The following SH3BGRL variants were observed in gnomAD, a reference collection of about 807,000 sequenced individuals.
SH3BGRL encodes the protein SH3 domain binding glutamate rich protein like.
A neutral mutation model predicts 9.8 loss-of-function variants in SH3BGRL; 7 were observed. That is an observed-to-expected ratio of 0.72 (90% CI 0.41 to 1.35). The LOEUF (loss-of-function observed/expected upper bound fraction) is 1.35. SH3BGRL is among the 40% of genes most tolerant of loss of function. SH3BGRL has a pLI of 0.01. For synonymous variants in SH3BGRL, 36 were observed against 29.1 expected, an observed-to-expected ratio of 1.24 and a Z score of -0.76; for missense variants, 73 against 84.4, an observed-to-expected ratio of 0.86 and a Z score of 0.53.
intron 3 of SH3BGRL, among the ~76,000 whole-genome samples, chrX:81,285,477 C>G (rs1030778981): frequency 1.8e-5 from 2 of 111,378 alleles, no homozygotes; most frequent in African/African-American, 6.5e-5. Flanking sequence ...AGTGGTTTCA[C>G]ATTGGGTATT....
intron 3 of SH3BGRL, among the ~76,000 whole-genome samples, chrX:81,287,969 G>T (rs1162789636): frequency 1.9e-5 from 2 of 106,939 alleles, no homozygotes; most frequent in Non-Finnish European, 3.9e-5. Flanking sequence ...AAGAAAGAAA[G>T]AAAGAAAGAA....
At chrX:81,252,263 A>G (rs760913944) in intron 1 of SH3BGRL, among the ~76,000 whole-genome samples, 32 of 112,133 alleles carry the variant, frequency 2.9e-4, no homozygotes, top group Non-Finnish European at 5.1e-4. Flanking sequence ...TAGAGAGTTT[A>G]TAATGGGCAG....
chrX:81,231,996 G>T (rs2075634397), intron 1 of SH3BGRL, among the ~76,000 whole-genome samples: 1 of 109,944 alleles, frequency 9.1e-6, no homozygotes, highest in East Asian at 2.8e-4. Flanking sequence ...GTATATGTTT[G>T]TACAGGTGTG....
chrX:81,216,104 A>G (rs777971410), intron 1 of SH3BGRL, among the ~76,000 whole-genome samples: 12 of 111,549 alleles, frequency 1.1e-4, no homozygotes, highest in Admixed American at 2.9e-4. Flanking sequence ...GTCTTATAAA[A>G]ATCTGAATTG....
chrX:81,255,423 T>C (rs1478262648), intron 1 of SH3BGRL: 1 of 112,286 alleles, frequency 8.9e-6, no homozygotes, highest in Non-Finnish European at 1.9e-5. Flanking sequence ...TCCTGTGATC[T>C]AAAATTCTGA....
intron 1 of SH3BGRL, among the ~76,000 whole-genome samples, chrX:81,249,542 G>A (rs1025268192): frequency 6.2e-5 from 7 of 112,111 alleles, no homozygotes; most frequent in Admixed American, 9.4e-5. Flanking sequence ...CTTTTATAAT[G>A]TGAACCTTGC....
intron 1 of SH3BGRL, among the ~76,000 whole-genome samples, chrX:81,226,134 T>C (rs1444291478): frequency 9.0e-6 from 1 of 111,409 alleles, no homozygotes; most frequent in Non-Finnish European, 1.9e-5. Context: ...TAGACAACTC[T>C]AGTTAGTACA....
chrX:81,275,926 G>A (rs1030718020), intron 1 of SH3BGRL, among the ~76,000 whole-genome samples: 1 of 111,829 alleles, frequency 8.9e-6, no homozygotes, highest in African/African-American at 3.3e-5. Flanking sequence ...ATGGAGGGGT[G>A]TAAATCCAGA....
intron 1 of SH3BGRL, among the ~76,000 whole-genome samples, chrX:81,237,450 A>G (rs1000302754): frequency 2.7e-5 from 3 of 111,615 alleles, no homozygotes; most frequent in Non-Finnish European, 5.6e-5. Flanking sequence ...GAACTCAGCA[A>G]TTGTGAGACA....
At chrX:81,221,784 G>A (rs903683693) in intron 1 of SH3BGRL, among the ~76,000 whole-genome samples, 2 of 112,161 alleles carry the variant, frequency 1.8e-5, no homozygotes, top group African/African-American at 6.5e-5. Context: ...AGGTCATGCA[G>A]TAAAACATTA....
intron 1 of SH3BGRL, among the ~76,000 whole-genome samples, chrX:81,272,657 G>A (rs180793275): frequency 2.1e-3 from 232 of 109,210 alleles, no homozygotes; most frequent in African/African-American, 7.2e-3. Flanking sequence ...CTGACACCAC[G>A]CCCGGCTAAT....
At chrX:81,284,717 G>A (rs1210767297) in intron 3 of SH3BGRL, among the ~76,000 whole-genome samples, 1 of 110,723 alleles carries the variant, frequency 9.0e-6, no homozygotes, top group Non-Finnish European at 1.9e-5. Context: ...AGGAGTGAGG[G>A]GAAATTTGAA....
chrX:81,276,020 A>G (rs756106626), intron 1 of SH3BGRL, among the ~76,000 whole-genome samples: 4 of 110,980 alleles, frequency 3.6e-5, no homozygotes, highest in East Asian at 5.7e-4. Flanking sequence ...TTTGATGACA[A>G]CACTCCATGT....
At chrX:81,269,891 T>A (rs1475736231) in intron 1 of SH3BGRL, among the ~76,000 whole-genome samples, 1 of 111,559 alleles carries the variant, frequency 9.0e-6, no homozygotes, top group African/African-American at 3.3e-5. Context: ...CATAGTCCTA[T>A]ATTTCTTGGA....
Position 81,237,175 on chromosome X carries a change from G to A in SH3BGRL, c.45+34930G>A, listed in dbSNP as rs189685004. On this transcript the variant is annotated intron_variant, in intron 1 of 3. Coordinates refer to ENST00000373212, the MANE Select transcript of SH3BGRL (RefSeq NM_003022.3). ...ACTCCACCAATCATCCCCTTCACAC[G>A]AACACCAATTTAACAACTATCTACA... 1.3e-4 allele frequency: 63 copies of A among 495,509 alleles called. No homozygotes were observed. In the African/African-American group the frequency reaches 1.4e-3, roughly 11 times the overall value. 40.8% of individuals were successfully genotyped at this position (495,509 alleles called of 1,213,427 possible).
At chrX:81,264,171 G>A (rs191544692) in intron 1 of SH3BGRL, among the ~76,000 whole-genome samples, 2 of 111,051 alleles carry the variant, frequency 1.8e-5, no homozygotes, top group East Asian at 5.7e-4. Flanking sequence ...GTCTTACTTA[G>A]TTACATAGTT....
rs2075805177 is a variant in SH3BGRL at position 81,278,382 on chromosome X, T to C, written c.283T>C (p.Leu95=). The C allele has an allele frequency of 8.4e-7, 1 of 1,196,255 alleles. No individual in the cohort carries two copies. Among genetic ancestry groups the C allele is most frequent in the Non-Finnish European group, 1.1e-6 (1 of 884,889 alleles). The change falls in exon 3 of 4, where the codon TTA becomes CTA. Residue 95 remains leucine, a synonymous_variant. Coordinates refer to ENST00000373212, the MANE Select transcript of SH3BGRL (RefSeq NM_003022.3). ...ARENNAVYAF[L]GLTAPPGSKE... ...AGAAAATAATGCAGTGTATGCCTTC[T>C]TAGGCTTGACAGCCCCACCTGGTTC...
At chrX:81,283,255 A>T (rs993384686) in intron 3 of SH3BGRL, among the ~76,000 whole-genome samples, 1 of 111,694 alleles carries the variant, frequency 9.0e-6, no homozygotes, top group Non-Finnish European at 1.9e-5. Context: ...AAGAATTAAT[A>T]CCAATCTGTT....
chrX:81,231,934 A>G (rs1358183899), intron 1 of SH3BGRL, among the ~76,000 whole-genome samples: 1 of 111,612 alleles, frequency 9.0e-6, no homozygotes, highest in Non-Finnish European at 1.9e-5. Context: ...ACATATATTT[A>G]TATGCATGTT....
Sources: gnomAD v4.1 joint callset for allele counts (sites outside exome capture counted in the v4.1 genomes callset) on GRCh38, gnomAD v4.1.1 for gene constraint, MANE v1.5 for transcripts, NCBI Gene and HGNC (gene_info 2026-07-23, HGNC 2026-07-21) for gene names.